RAB11FIP4: variants seen among roughly 807,000 people sequenced by gnomAD.
RAB11FIP4 encodes the protein rab11 family-interacting protein 4.
Under a neutral mutation model 74.3 loss-of-function variants are expected in RAB11FIP4, and 23 were observed. The observed-to-expected ratio is 0.31, with a 90% confidence interval of 0.22 to 0.44. The LOEUF (loss-of-function observed/expected upper bound fraction) is 0.44. RAB11FIP4 is among the 20% of genes least tolerant of loss of function. The pLI, the probability that RAB11FIP4 is intolerant of heterozygous loss-of-function variation, is 1.00. For synonymous variants in RAB11FIP4, 360 were observed against 359.9 expected (o/e 1.00, Z 0.00); for missense variants, 630 against 863.9 (o/e 0.73, Z 3.39).
At chr17:31,418,792 A>T (rs917316240) in intron 1 of RAB11FIP4, among the ~76,000 whole-genome samples, 3 of 152,092 alleles carry the variant, frequency 2.0e-5, no homozygotes, top group South Asian at 2.1e-4. Context: ...TTAAAGAAAA[A>T]TTTTAAAAAA....
chr17:31,526,284 C>T (rs2072765693), intron 10 of RAB11FIP4: 1 of 152,248 alleles, frequency 6.6e-6, no homozygotes, highest in Non-Finnish European at 1.5e-5. Flanking sequence ...CAGTGTGAAC[C>T]TGGGCCACAG....
chr17:31,447,851 C>T (rs1397131648), intron 3 of RAB11FIP4, among the ~76,000 whole-genome samples: 1 of 150,492 alleles, frequency 6.6e-6, no homozygotes, highest in Non-Finnish European at 1.5e-5. Context: ...GACAGGATCT[C>T]ACTCTAGCAC....
At chr17:31,397,063 C>T (rs897158607) in intron 1 of RAB11FIP4, among the ~76,000 whole-genome samples, 1 of 152,112 alleles carries the variant, frequency 6.6e-6, no homozygotes, top group Non-Finnish European at 1.5e-5. Context: ...AGCCCTGGGG[C>T]TGGGATCGAT....
chr17:31,439,404 G>A (rs187161760), intron 3 of RAB11FIP4, among the ~76,000 whole-genome samples: 2 of 152,280 alleles, frequency 1.3e-5, no homozygotes, highest in African/African-American at 4.8e-5. Context: ...GCTGGTCTCC[G>A]GCCTAGCAGC....
At chr17:31,398,381 C>A (rs1357741974) in intron 1 of RAB11FIP4, among the ~76,000 whole-genome samples, 1 of 152,134 alleles carries the variant, frequency 6.6e-6, no homozygotes, top group East Asian at 1.9e-4. Flanking sequence ...TTTGGCAAAA[C>A]CTTGCTGAGT....
chr17:31,452,224 T>C (rs559322778), intron 3 of RAB11FIP4, among the ~76,000 whole-genome samples: 1 of 152,280 alleles, frequency 6.6e-6, no homozygotes, highest in South Asian at 2.1e-4. Context: ...TTTGCCAGTG[T>C]CATTCACTGC....
intron 1 of RAB11FIP4, among the ~76,000 whole-genome samples, chr17:31,422,004 A>AC (rs888695225): frequency 1.2e-3 from 179 of 151,464 alleles, no homozygotes; most frequent in African/African-American, 2.1e-3. Flanking sequence ...ACATAGTGAG[A>AC]CCCCCCGTCT....
intron 3 of RAB11FIP4, among the ~76,000 whole-genome samples, chr17:31,485,904 T>C (rs915462183): frequency 6.6e-6 from 1 of 152,168 alleles, no homozygotes; most frequent in East Asian, 1.9e-4. Context: ...GCCAGTGGTA[T>C]GATACACCAC....
intron 3 of RAB11FIP4, among the ~76,000 whole-genome samples, chr17:31,468,324 G>T (rs1474765631): frequency 6.6e-6 from 1 of 152,164 alleles, no homozygotes; most frequent in Non-Finnish European, 1.5e-5. Flanking sequence ...ACTGTTCTGG[G>T]CTCCTTTCCT....
intron 1 of RAB11FIP4, among the ~76,000 whole-genome samples, chr17:31,426,035 C>T (rs2071246168): frequency 6.6e-6 from 1 of 152,236 alleles, no homozygotes. Context: ...CCATCTGTGG[C>T]AAAAGGTTAC....
intron 3 of RAB11FIP4, among the ~76,000 whole-genome samples, chr17:31,447,684 A>G (rs965783068): frequency 6.6e-6 from 1 of 151,354 alleles, no homozygotes; most frequent in Non-Finnish European, 1.5e-5. Context: ...CCCCATGCCC[A>G]GCAAATTTTT....
chr17:31,527,549 G>T, intron 10 of RAB11FIP4: 1 of 315,500 alleles, frequency 3.2e-6, no homozygotes, highest in Non-Finnish European at 5.8e-6. Context: ...AGCTGAGATT[G>T]TGCCACCTCA....
At position 31,472,146 on chromosome 17, in the gene RAB11FIP4, G is replaced by A. The variant is rs560826748; in HGVS notation, c.336+38024G>A. ...CATTGCACTCCAGCCTGGGCAAAAA[G>A]AGCAAAAGTCTGTCTCAAAAAAAAA... is the stretch of plus-strand genomic sequence containing the variant. On this transcript the variant is annotated intron_variant, in intron 3 of 14. Coordinates refer to ENST00000621161, the MANE Select transcript of RAB11FIP4 (RefSeq NM_032932.6). Among the ~76,000 whole-genome samples the A allele has an allele frequency of 1.4e-4, 19 of 137,192 alleles. 1 individual carries two copies. The highest frequency in any genetic ancestry group is 1.9e-4 in the Non-Finnish European group (12 of 63,484). The allele number at this position is 137,192 out of a possible 152,430, so 90.0% of individuals were successfully genotyped here. A position where few individuals can be genotyped will look rare whatever the true frequency, so the allele number is the denominator to read the frequency against.
At chr17:31,525,299 C>T (rs940220939) in intron 10 of RAB11FIP4, 69 bp downstream of exon 10, 18 of 1,409,402 alleles carry the variant, frequency 1.3e-5, no homozygotes, top group East Asian at 2.5e-5. Flanking sequence ...GTGGGATAGG[C>T]GCTATCCCCA....
chr17:31,415,471 G>T (rs558219102), intron 1 of RAB11FIP4, among the ~76,000 whole-genome samples: 1 of 152,286 alleles, frequency 6.6e-6, no homozygotes, highest in South Asian at 2.1e-4. Context: ...TCCAGTAAAT[G>T]GAGGCATTTT....
chr17:31,419,600 G>C (rs150270335), intron 1 of RAB11FIP4, among the ~76,000 whole-genome samples: 3,069 of 149,262 alleles, frequency 0.021, 62 homozygotes, highest in Non-Finnish European at 0.031. Flanking sequence ...GCCCAGGCTA[G>C]AGTGCAGTGG....
chr17:31,529,105 T>C (rs1023154943), intron 13 of RAB11FIP4, among the ~76,000 whole-genome samples: 69 of 150,462 alleles, frequency 4.6e-4, no homozygotes, highest in Non-Finnish European at 9.4e-4. Context: ...TTTTTTTTTT[T>C]TTTTTTCCCA....
intron 13 of RAB11FIP4, among the ~76,000 whole-genome samples, chr17:31,530,001 T>G (rs2142833299): frequency 6.6e-6 from 1 of 152,220 alleles, no homozygotes; most frequent in East Asian, 1.9e-4. Context: ...CTTCCTTCAC[T>G]GGGCTGCTGG....
intron 3 of RAB11FIP4, among the ~76,000 whole-genome samples, chr17:31,502,049 C>A (rs996908605): frequency 6.6e-6 from 1 of 152,042 alleles, no homozygotes; most frequent in Non-Finnish European, 1.5e-5. Context: ...CATGCCAAAA[C>A]CCCATCTGTA....
Sources: allele counts gnomAD v4.1 joint callset (sites outside exome capture counted in the v4.1 genomes callset), GRCh38; gene constraint gnomAD v4.1.1; transcripts MANE v1.5; gene names NCBI Gene and HGNC (gene_info 2026-07-23, HGNC 2026-07-21).